The following RTN4RL1 variants were observed in gnomAD, a reference collection of about 807,000 sequenced individuals.
RTN4RL1 encodes the protein reticulon 4 receptor like 1.
A neutral mutation model predicts 25.6 loss-of-function variants in RTN4RL1; 7 were observed. That is an observed-to-expected ratio of 0.27 (90% CI 0.16 to 0.51). RTN4RL1 has a LOEUF of 0.51. Among genes scored for constraint, RTN4RL1 ranks in the 20% least tolerant of loss-of-function variants. The pLI, the probability that RTN4RL1 is intolerant of heterozygous loss-of-function variation, is 0.97. For synonymous variants in RTN4RL1, 297 were observed against 288.2 expected (o/e 1.03, Z -0.31); for missense variants, 500 against 615.6 (o/e 0.81, Z 1.99).
chr17:1,955,179 T>C (rs1282789378), intron 1 of RTN4RL1, among the ~76,000 whole-genome samples: 1 of 152,190 alleles, frequency 6.6e-6, no homozygotes, highest in African/African-American at 2.4e-5. Flanking sequence ...GCATTTAGCA[T>C]AGGCCTTGTG....
At chr17:1,977,388 C>T (rs577838178) in intron 1 of RTN4RL1, among the ~76,000 whole-genome samples, 13 of 152,306 alleles carry the variant, frequency 8.5e-5, no homozygotes, top group Non-Finnish European at 1.5e-4. Flanking sequence ...GTGACCCTGA[C>T]GACCTTGGAG....
At chr17:2,004,252 T>C (rs1354499025) in intron 1 of RTN4RL1, among the ~76,000 whole-genome samples, 116 of 126,376 alleles carry the variant, frequency 9.2e-4, no homozygotes, top group African/African-American at 2.0e-3. Flanking sequence ...CCTGTAGTCC[T>C]AGCTACTCGG....
At chr17:2,023,984 C>CG (rs1236719383) in intron 1 of RTN4RL1, among the ~76,000 whole-genome samples, 1 of 152,194 alleles carries the variant, frequency 6.6e-6, no homozygotes. Context: ...GAGAGGCAGA[C>CG]GCAGAGGCTG....
chr17:2,000,295 G>C (rs2151322019), intron 1 of RTN4RL1, among the ~76,000 whole-genome samples: 1 of 152,332 alleles, frequency 6.6e-6, no homozygotes, highest in East Asian at 1.9e-4. Flanking sequence ...AGGAAGGAAT[G>C]TCAGGACGGG....
intron 1 of RTN4RL1, among the ~76,000 whole-genome samples, chr17:1,956,742 T>A (rs1324664789): frequency 2.1e-5 from 1 of 47,282 alleles, no homozygotes; most frequent in African/African-American, 5.3e-5. Flanking sequence ...CGGGAACTTT[T>A]TTTTTTTTTT....
chr17:2,001,809 G>A (rs1280348616), intron 1 of RTN4RL1, among the ~76,000 whole-genome samples: 1 of 152,144 alleles, frequency 6.6e-6, no homozygotes, highest in Non-Finnish European at 1.5e-5. Flanking sequence ...CCCAGGACTC[G>A]ATGGGCTGCG....
chr17:2,018,598 G>A (rs1384004528), intron 1 of RTN4RL1, among the ~76,000 whole-genome samples: 3 of 152,200 alleles, frequency 2.0e-5, no homozygotes, highest in South Asian at 2.1e-4. Flanking sequence ...AGATGGGCAC[G>A]TGAGACAGTG....
At chr17:1,995,889 C>T (rs1026557238) in intron 1 of RTN4RL1, among the ~76,000 whole-genome samples, 1 of 152,262 alleles carries the variant, frequency 6.6e-6, no homozygotes, top group Non-Finnish European at 1.5e-5. Flanking sequence ...TGAGAGGCTG[C>T]AGAGCCAGCG....
chr17:1,949,670 G>C (rs576759178), intron 1 of RTN4RL1, among the ~76,000 whole-genome samples: 2 of 152,214 alleles, frequency 1.3e-5, no homozygotes, highest in African/African-American at 2.4e-5. Context: ...TGAGCTCCGG[G>C]TTTGCTTCCA....
intron 1 of RTN4RL1, among the ~76,000 whole-genome samples, chr17:2,017,232 C>T (rs1249147845): frequency 6.6e-6 from 1 of 152,226 alleles, no homozygotes; most frequent in Non-Finnish European, 1.5e-5. Context: ...TCTACCACCT[C>T]AGTGGGCTGA....
At position 1,937,273 on chromosome 17, in the gene RTN4RL1, G is replaced by A; in HGVS notation, c.549C>T (p.Asn183=). 1 of 1,612,782 alleles carries A rather than the reference G, an allele frequency of 6.2e-7. No homozygotes were observed. The highest frequency in any genetic ancestry group is 1.7e-5 in the Admixed American group (1 of 60,024). Residue 183 remains asparagine (N), a synonymous_variant, in exon 2 of 2, where the codon AAC becomes AAT. Transcript: ENST00000331238. ...TGCCCGGGCCCAGACTCCACAGCTT[G>A]TTGCCGTGGAGAAACAGGTGGCTGA... ...VNLSHLFLHG[N]KLWSLGPGTF... is the part of the protein sequence containing the mutation.
At chr17:1,944,878 G>A (rs568814130) in intron 1 of RTN4RL1, among the ~76,000 whole-genome samples, 4 of 152,118 alleles carry the variant, frequency 2.6e-5, no homozygotes, top group African/African-American at 4.8e-5. Flanking sequence ...CCCCAACCTC[G>A]CCCCTGTATC....
rs149729400 is a variant in RTN4RL1, at chr17:1,973,877, A to G, written c.14-36069T>C. On this transcript the variant is annotated intron_variant, in intron 1 of 1. Coordinates refer to ENST00000331238, the MANE Select transcript of RTN4RL1 (RefSeq NM_178568.4). ...AACATAGTGAAACCCCGTCTCTACT[A>G]AAAGTACAAAAATTAGCCGGGTGTG... Among the ~76,000 whole-genome samples, 171 of 152,044 alleles carry G rather than the reference A, an allele frequency of 1.1e-3. No individual in the cohort carries two copies. In the East Asian group the frequency reaches 0.022, roughly 20 times the overall value.
intron 1 of RTN4RL1, among the ~76,000 whole-genome samples, chr17:1,964,196 C>A (rs2066778677): frequency 6.6e-6 from 1 of 152,150 alleles, no homozygotes; most frequent in Non-Finnish European, 1.5e-5. Flanking sequence ...ACTTCAAAGA[C>A]TTAGTAAGAA....
intron 1 of RTN4RL1, among the ~76,000 whole-genome samples, chr17:1,956,614 C>T (rs12603209): frequency 0.45 from 68,873 of 151,818 alleles, 16,514 homozygotes; most frequent in Middle Eastern, 0.57. Flanking sequence ...AGAGTTAGAT[C>T]GTTTCTCATT....
chr17:2,019,762 C>T (rs3803804), intron 1 of RTN4RL1: 43,103 of 152,136 alleles, frequency 0.28, 6,294 homozygotes, highest in Middle Eastern at 0.38. Context: ...TGTGGAGGAA[C>T]GAGGGCTCGT....
At chr17:1,961,643 C>T (rs985089170) in intron 1 of RTN4RL1, among the ~76,000 whole-genome samples, 5 of 151,726 alleles carry the variant, frequency 3.3e-5, no homozygotes, top group African/African-American at 7.3e-5. Flanking sequence ...AAAAGTAGGC[C>T]GGGGCCAGGC....
intron 1 of RTN4RL1, among the ~76,000 whole-genome samples, chr17:1,988,095 A>G (rs1011256444): frequency 2.0e-5 from 3 of 151,416 alleles, no homozygotes; most frequent in African/African-American, 7.3e-5. Context: ...AACAAGAGCG[A>G]AACTCCATCT....
At chr17:1,991,839 G>A (rs1229796460) in intron 1 of RTN4RL1, among the ~76,000 whole-genome samples, 2 of 152,242 alleles carry the variant, frequency 1.3e-5, no homozygotes, top group Non-Finnish European at 2.9e-5. Flanking sequence ...TCCCACATGC[G>A]CATTTCTGCC....
Sources: gnomAD v4.1 joint callset for allele counts (sites outside exome capture counted in the v4.1 genomes callset) on GRCh38, gnomAD v4.1.1 for gene constraint, MANE v1.5 for transcripts, NCBI Gene and HGNC (gene_info 2026-07-23, HGNC 2026-07-21) for gene names.